The following GABRA2 variants were observed in gnomAD, a reference collection of about 807,000 sequenced individuals.
GABRA2 encodes gamma-aminobutyric acid receptor subunit alpha-2.
GABRA2 carries 16 observed loss-of-function variants against 48.7 expected under a neutral mutation model. The ratio of observed to expected loss-of-function variants is 0.33; its 90% CI spans 0.22 to 0.50. GABRA2 has a LOEUF of 0.50. Ranked by LOEUF, GABRA2 falls within the 20% of genes least tolerant of loss-of-function variation. GABRA2 has a pLI of 0.98. For missense variants in GABRA2, 275 were observed against 535.6 expected, an observed-to-expected ratio of 0.51 and a Z score of 4.80; for synonymous variants, 185 against 184.5, an observed-to-expected ratio of 1.00 and a Z score of -0.02.
intron 4 of GABRA2, among the ~76,000 whole-genome samples, chr4:46,315,566 C>G (rs1278528084): frequency 6.6e-6 from 1 of 151,918 alleles, no homozygotes; most frequent in Admixed American, 6.6e-5. Flanking sequence ...GCCTCAGTCC[C>G]TTGAACACCT....
intron 8 of GABRA2, among the ~76,000 whole-genome samples, chr4:46,291,678 G>A (rs1239105899): frequency 6.6e-6 from 1 of 151,788 alleles, no homozygotes; most frequent in African/African-American, 2.4e-5. Context: ...TCAGCTTTGG[G>A]TCTCAGACTG....
chr4:46,390,007 G>C lies in GABRA2; in HGVS notation c.-283C>G, dbSNP rs150653034. 1,521 of 977,558 alleles carry C rather than the reference G, an allele frequency of 1.6e-3. 12 individuals are homozygous for C. The African/African-American group carries it at 0.02, about 13-fold the overall frequency. 60.6% of individuals were successfully genotyped at this position (977,558 alleles called of 1,614,324 possible). ...GTGATGGGCGGAGGAGGAGGAAGAG[G>C]AGGAGGAGGAAGAGGAGGAGGGGGA... is the stretch of plus-strand genomic sequence containing the variant. On this transcript the variant is annotated 5_prime_UTR_variant, in exon 1 of 10. Transcript: ENST00000381620.
intron 3 of GABRA2, chr4:46,364,902 C>T (rs868766425): frequency 1.3e-5 from 2 of 152,180 alleles, no homozygotes; most frequent in African/African-American, 4.8e-5. Context: ...AAACATGTGA[C>T]AAGAAATTTG....
intron 3 of GABRA2, chr4:46,367,557 T>C (rs1359807100): frequency 6.6e-6 from 1 of 152,098 alleles, no homozygotes; most frequent in East Asian, 1.9e-4. Flanking sequence ...TCTTTATTCC[T>C]GGGAGCTTTG....
chr4:46,388,177 C>T (rs1247993438), intron 2 of GABRA2, among the ~76,000 whole-genome samples: 2 of 151,564 alleles, frequency 1.3e-5, no homozygotes, highest in African/African-American at 2.4e-5. Flanking sequence ...AAGACTCACA[C>T]ATCTTTTGGG....
chr4:46,303,715 A>G (rs1726151387), intron 7 of GABRA2, 103 bp from the exon 8 acceptor site: 3 of 947,546 alleles, frequency 3.2e-6, no homozygotes, highest in Admixed American at 5.3e-5. Flanking sequence ...TTTTTAAAAA[A>G]TAATATATCA....
In GABRA2 at chr4:46,247,714, C is replaced by T. The variant is rs2109362745; in HGVS notation, c.*2594G>A. 6.6e-6 allele frequency among the ~76,000 whole-genome samples: 1 copy of T among 151,098 alleles called. No individual in the cohort carries two copies. Among genetic ancestry groups the T allele is most frequent in the South Asian group, 2.1e-4 (1 of 4,822 alleles). On this transcript the variant is annotated 3_prime_UTR_variant, in exon 10 of 10. Transcript: ENST00000381620. The stretch of plus-strand genomic sequence containing the variant: ...TGGCCTTATTGTGATAAATTAAAAT[C>T]CTTTTAAATTTGTTTTTAAATTGGT...
intron 3 of GABRA2, among the ~76,000 whole-genome samples, chr4:46,351,995 A>AAACT (rs1560566540): frequency 3.3e-5 from 5 of 150,638 alleles, no homozygotes; most frequent in Admixed American, 2.0e-4. Context: ...TTACCTGTCC[A>AAACT]CTTACTTGTT....
rs201178529 is a variant in GABRA2, at chr4:46,386,141, G to A, written c.120C>T (p.Thr40=). 6.2e-7 allele frequency: 1 copy of A among 1,610,964 alleles called. No homozygotes were observed. Among genetic ancestry groups the A allele is most frequent in the Admixed American group, 1.7e-5 (1 of 59,406 alleles). The change falls in exon 3 of 10, where the codon ACC becomes ACT. Residue 40 remains threonine (T), a synonymous_variant. Transcript: ENST00000381620. ...GTCTGTCAAGAATTCTCGTAAAGAT[G>A]GTAATGTTATTTTTAGCCTCATCTT... is the stretch of plus-strand genomic sequence containing the variant. ...IQEDEAKNNI[T]IFTRILDRLL... is the part of the protein sequence containing the mutation.
At chr4:46,256,225 C>A (rs1190324502) in intron 9 of GABRA2, 1 of 687,782 alleles carries the variant, frequency 1.5e-6, no homozygotes, top group African/African-American at 1.8e-5. Context: ...AACAGTCCAT[C>A]CACTTCTCTA....
At chr4:46,375,133 T>C (rs1399780364) in intron 3 of GABRA2, among the ~76,000 whole-genome samples, 1 of 152,116 alleles carries the variant, frequency 6.6e-6, no homozygotes, top group Non-Finnish European at 1.5e-5. Flanking sequence ...TAATGCTAAT[T>C]ACTTAAACTG....
At position 46,390,055 on chromosome 4, in the gene GABRA2, CG is replaced by C. The variant is rs138080870; in HGVS notation, c.-332del. The C allele has an allele frequency of 0.28, 92,941 of 335,132 alleles. 17,092 individuals are homozygous for C. The highest frequency in any genetic ancestry group is 0.63 in the East Asian group (2,885 of 4,554). The allele number at this position is 335,132 out of a possible 1,614,324, so 20.8% of individuals were successfully genotyped here. On this transcript the variant is annotated 5_prime_UTR_variant, in exon 1 of 10. Coordinates refer to ENST00000381620, the MANE Select transcript of GABRA2 (RefSeq NM_000807.4). ...GGAAAACGATGACAGGAGCTGGGGC[CG>C]GGGGGGGAAATTGGGGGGACGCGGG...
At chr4:46,314,688 A>G (rs746276981) in intron 4 of GABRA2, among the ~76,000 whole-genome samples, 9 of 151,986 alleles carry the variant, frequency 5.9e-5, no homozygotes, top group Non-Finnish European at 1.3e-4. Flanking sequence ...CTTTATGTCC[A>G]TGAGTACCCA....
At chr4:46,311,345 T>C (rs1376225044) in intron 5 of GABRA2, among the ~76,000 whole-genome samples, 2 of 152,200 alleles carry the variant, frequency 1.3e-5, no homozygotes, top group African/African-American at 2.4e-5. Context: ...TAAATAACTT[T>C]CATAACCAAA....
At chr4:46,305,376 C>T (rs562222958) in intron 7 of GABRA2, among the ~76,000 whole-genome samples, 192 bp downstream of exon 7, 4 of 150,262 alleles carry the variant, frequency 2.7e-5, no homozygotes, top group South Asian at 4.2e-4. Flanking sequence ...AACTAACCTG[C>T]GCATTGTGCA....
chr4:46,377,531 C>T (rs1395591028), intron 3 of GABRA2, among the ~76,000 whole-genome samples: 1 of 151,516 alleles, frequency 6.6e-6, no homozygotes, highest in Non-Finnish European at 1.5e-5. Flanking sequence ...AGGAGCCCCT[C>T]CGCCCAGCAG....
intron 3 of GABRA2, among the ~76,000 whole-genome samples, chr4:46,384,733 TACA>T (rs1286567105): frequency 2.0e-5 from 3 of 152,226 alleles, no homozygotes; most frequent in African/African-American, 7.2e-5. Context: ...ACTTCTCTTA[TACA>T]AGTTTGGCCA....
intron 3 of GABRA2, among the ~76,000 whole-genome samples, chr4:46,356,816 C>T (rs1433649970): frequency 6.6e-6 from 1 of 152,108 alleles, no homozygotes; most frequent in Non-Finnish European, 1.5e-5. Flanking sequence ...TTATTCACTA[C>T]CCATAAATAA....
chr4:46,345,169 T>G (rs990304890), intron 3 of GABRA2, among the ~76,000 whole-genome samples: 1 of 151,924 alleles, frequency 6.6e-6, no homozygotes, highest in Non-Finnish European at 1.5e-5. Context: ...ATGTAAGATG[T>G]GCCTCTTCCC....
Sources: allele counts gnomAD v4.1 joint callset (sites outside exome capture counted in the v4.1 genomes callset), GRCh38; gene constraint gnomAD v4.1.1; transcripts MANE v1.5; gene names NCBI Gene and HGNC (gene_info 2026-07-23, HGNC 2026-07-21).